PLEKHM2: variants seen among roughly 807,000 people sequenced by gnomAD.
PLEKHM2 encodes the protein pleckstrin homology domain-containing family M member 2.
A neutral mutation model predicts 116.3 loss-of-function variants in PLEKHM2; 77 were observed. The ratio of observed to expected loss-of-function variants is 0.66; its 90% confidence interval spans 0.55 to 0.80. PLEKHM2 has a LOEUF of 0.80. PLEKHM2 is among the 30% of genes least tolerant of loss of function. PLEKHM2 has a pLI of 0.00. For missense variants in PLEKHM2, 1,183 were observed against 1,354.9 expected (o/e 0.87, Z 1.99); for synonymous variants, 562 against 571.0 (o/e 0.98, Z 0.22).
At chr1:15,690,089 G>A (rs1640860489) in intron 1 of PLEKHM2, among the ~76,000 whole-genome samples, 1 of 147,194 alleles carries the variant, frequency 6.8e-6, no homozygotes, top group South Asian at 2.2e-4. Context: ...GTTTTTTTGA[G>A]ACAGTCTTGC....
chr1:15,730,159 G>A (rs1353271338), intron 14 of PLEKHM2, among the ~76,000 whole-genome samples: 1 of 152,202 alleles, frequency 6.6e-6, no homozygotes, highest in Non-Finnish European at 1.5e-5. Flanking sequence ...ACCCTCGCTC[G>A]GCAGGGCACA....
intron 7 of PLEKHM2, among the ~76,000 whole-genome samples, chr1:15,722,167 G>A (rs35234014): frequency 0.37 from 55,995 of 152,084 alleles, 13,420 homozygotes; most frequent in African/African-American, 0.68. Flanking sequence ...TTTTTGAGAC[G>A]GAGTCTCGCT....
chr1:15,720,391 T>C, intron 6 of PLEKHM2: 1 of 985,300 alleles, frequency 1.0e-6, no homozygotes, highest in African/African-American at 1.7e-5. Context: ...CACTGTGTCC[T>C]GTGTGTCCGT....
chr1:15,721,709 G>A lies in PLEKHM2; in HGVS notation c.712+321G>A, dbSNP rs116699906. 0.01 allele frequency among the ~76,000 whole-genome samples: 1,561 copies of A among 152,254 alleles called. 28 individuals carry two copies. Among genetic ancestry groups the A allele is most frequent in the African/African-American group, 0.034 (1,402 of 41,532 alleles). Reference sequence around the variant, plus strand: ...GATGCTCTCGGGGTGTGTAGGGCCTGACCCAGTGAACCAAGACTTGTTCTG... The same window carrying A: ...GATGCTCTCGGGGTGTGTAGGGCCTAACCCAGTGAACCAAGACTTGTTCTG... On this transcript the variant is annotated intron_variant, in intron 7 of 19. Coordinates refer to ENST00000375799, the MANE Select transcript of PLEKHM2 (RefSeq NM_015164.4). This position sits in a 1 kb window ranked among gnomAD's most constrained non-coding sequence, Gnocchi z 5.1.
chr1:15,693,211 G>T (rs1275809898), intron 1 of PLEKHM2, among the ~76,000 whole-genome samples: 1 of 135,798 alleles, frequency 7.4e-6, no homozygotes, highest in East Asian at 2.3e-4. Flanking sequence ...TGGCTAATTT[G>T]TGTATTTTTA....
chr1:15,706,670 G>T (rs747004955), intron 1 of PLEKHM2, among the ~76,000 whole-genome samples: 6 of 152,136 alleles, frequency 3.9e-5, no homozygotes, highest in Non-Finnish European at 7.4e-5. Flanking sequence ...GCCTCCCAAA[G>T]TGCTGGCATT....
At position 15,719,808 on chromosome 1, in the gene PLEKHM2, C is replaced by T. The variant is rs756588992; in HGVS notation, c.540C>T (p.Asp180=). 1.9e-5 allele frequency: 30 copies of T among 1,613,666 alleles called. No homozygotes were observed. The highest frequency in any genetic ancestry group is 2.2e-5 in the Non-Finnish European group (26 of 1,179,744). The change falls in exon 6 of 20, where the codon GAC becomes GAT. Residue 180 remains aspartate (D), a synonymous_variant. Coordinates refer to ENST00000375799, the MANE Select transcript of PLEKHM2 (RefSeq NM_015164.4). This position sits in a 1 kb window ranked among gnomAD's most constrained non-coding sequence, Gnocchi z 4.1. ...YKPQYLLDFE[D]RLPSSVHGSD... is the part of the protein sequence containing the mutation. The stretch of plus-strand genomic sequence containing the variant: ...CTCAGTACCTGCTGGACTTTGAAGA[C>T]CGCCTTCCCAGCTCGGTCCACGGCT...
Position 15,716,372 on chromosome 1 carries a change from C to T in PLEKHM2, c.167+29C>T, listed in dbSNP as rs374185878. 4.0e-5 allele frequency: 56 copies of T among 1,393,234 alleles called. No individual in the cohort carries two copies. The East Asian group carries it at 8.4e-4, about 21-fold the overall frequency. The allele number at this position is 1,393,234 out of a possible 1,614,324, so 86.3% of individuals were successfully genotyped here. On this transcript the variant is annotated intron_variant, in intron 2 of 19. Coordinates refer to ENST00000375799, the MANE Select transcript of PLEKHM2 (RefSeq NM_015164.4). ...AGGTGGAGGAAGTTTCCAAAGATGA[C>T]GGAGCACAACCCAGGCCATGAGTAG...
intron 7 of PLEKHM2, among the ~76,000 whole-genome samples, chr1:15,724,817 C>A (rs1268648254): frequency 1.3e-5 from 2 of 152,162 alleles, no homozygotes; most frequent in Non-Finnish European, 2.9e-5. Flanking sequence ...TTTACCTCTG[C>A]AAGGGACCCT....
intron 1 of PLEKHM2, among the ~76,000 whole-genome samples, chr1:15,700,051 G>C (rs1236577836): frequency 6.6e-6 from 1 of 151,842 alleles, no homozygotes; most frequent in Admixed American, 6.6e-5. Context: ...GCAGTTCCCT[G>C]GGGCTGGTGA....
chr1:15,704,505 T>G (rs1641182447), intron 1 of PLEKHM2, among the ~76,000 whole-genome samples: 1 of 152,198 alleles, frequency 6.6e-6, no homozygotes, highest in Admixed American at 6.6e-5. Flanking sequence ...TCAGTACGTA[T>G]TGTTAAAAAA....
chr1:15,716,452 C>T, intron 2 of PLEKHM2, 109 bp downstream of exon 2: 1 of 744,746 alleles, frequency 1.3e-6, no homozygotes, highest in Non-Finnish European at 2.2e-6. Flanking sequence ...CTCCCCTTGG[C>T]AGAAAGGGAT....
At chr1:15,732,815 G>C in intron 19 of PLEKHM2, 87 bp downstream of exon 19, 2 of 916,494 alleles carry the variant, frequency 2.2e-6, no homozygotes, top group Non-Finnish European at 3.3e-6. Context: ...GCTGCTCCCA[G>C]GACTTGGCCC....
intron 1 of PLEKHM2, among the ~76,000 whole-genome samples, chr1:15,696,117 G>A (rs1640991037): frequency 6.6e-6 from 1 of 151,586 alleles, no homozygotes; most frequent in South Asian, 2.1e-4. Context: ...CCCACCCGAT[G>A]CCTGTTTAAC....
chr1:15,707,182 G>A (rs1641243087), intron 1 of PLEKHM2, among the ~76,000 whole-genome samples: 1 of 151,640 alleles, frequency 6.6e-6, no homozygotes, highest in East Asian at 1.9e-4. Flanking sequence ...TAGAATTTGA[G>A]AGGCTAAGGC....
At chr1:15,725,241 G>A (rs1236881157) in intron 7 of PLEKHM2, 76 bp from the exon 8 acceptor site, 10 of 1,074,684 alleles carry the variant, frequency 9.3e-6, no homozygotes, top group Non-Finnish European at 1.4e-5. Flanking sequence ...CTCCCTCCTG[G>A]GCTAACGCAT....
At chr1:15,686,780 C>T (rs1371565286) in intron 1 of PLEKHM2, among the ~76,000 whole-genome samples, 2 of 151,934 alleles carry the variant, frequency 1.3e-5, no homozygotes, top group African/African-American at 2.4e-5. Flanking sequence ...TCCCAAGTAG[C>T]TGGGACTATA....
chr1:15,719,899 G>A lies in PLEKHM2; in HGVS notation c.631G>A (p.Ala211Thr), dbSNP rs751230545. 44 of 1,613,298 alleles carry A rather than the reference G, an allele frequency of 2.7e-5. No homozygotes were observed. The highest frequency in any genetic ancestry group is 3.6e-5 in the Non-Finnish European group (43 of 1,179,618). Residue 211 changes from alanine (A) to threonine (T), a missense_variant, in exon 6 of 20, where the codon GCG becomes ACG. Around this residue, in one of 3 missense-constraint regions of PLEKHM2, gnomAD observed 217 missense variants for 277.6 expected, o/e 0.78. Coordinates refer to ENST00000375799, the MANE Select transcript of PLEKHM2 (RefSeq NM_015164.4). This position sits in a 1 kb window ranked among gnomAD's most constrained non-coding sequence, Gnocchi z 4.1. ...TSTNLEWDDS[A>T]IAPSSEDYDF... ...CACCAACCTGGAGTGGGATGACAGT[G>A]CGATTGCCCCATCTAGTGAGGGTGA...
intron 16 of PLEKHM2, among the ~76,000 whole-genome samples, 187 bp downstream of exon 16, chr1:15,731,444 G>A (rs1019051642): frequency 1.1e-4 from 17 of 152,294 alleles, no homozygotes; most frequent in Admixed American, 9.8e-4. Flanking sequence ...GGAGGAGGGA[G>A]GCAGCAAGGA....
Sources: gnomAD v4.1 joint callset for allele counts (sites outside exome capture counted in the v4.1 genomes callset) on GRCh38, gnomAD v4.1.1 for gene constraint, gnomAD v4.1.1 regional missense constraint, Gnocchi (gnomAD v3.1) non-coding constraint, MANE v1.5 for transcripts, NCBI Gene and HGNC (gene_info 2026-07-23, HGNC 2026-07-21) for gene names.